VGLL4: variants seen among roughly 807,000 people sequenced by gnomAD.
The protein encoded by VGLL4 is vestigial like family member 4.
VGLL4 carries 7 observed loss-of-function variants against 21.0 expected under a neutral mutation model. The ratio of observed to expected loss-of-function variants is 0.33; its 90% CI spans 0.19 to 0.63. The LOEUF (loss-of-function observed/expected upper bound fraction) is 0.63. Among genes scored for constraint, VGLL4 ranks in the 20% least tolerant of loss-of-function variants. The probability of loss-of-function intolerance (pLI) is 0.78; values close to 1 mark genes in which losing one functional copy is unlikely to be tolerated. For missense variants in VGLL4, 394 were observed against 425.7 expected (o/e 0.93, Z 0.66); for synonymous variants, 222 against 173.2 (o/e 1.28, Z -2.21).
At chr3:11,696,632 T>C (rs1224915259) in intron 2 of VGLL4, among the ~76,000 whole-genome samples, 2 of 152,184 alleles carry the variant, frequency 1.3e-5, no homozygotes, top group African/African-American at 4.8e-5. Context: ...CTAAAATCAA[T>C]GTAAGGAGCC....
At chr3:11,599,665 T>C (rs140655143) in intron 2 of VGLL4, among the ~76,000 whole-genome samples, 1 of 143,050 alleles carries the variant, frequency 7.0e-6, no homozygotes, top group Non-Finnish European at 1.5e-5. Flanking sequence ...ATGACAGGCA[T>C]GCACCACCAC....
intron 2 of VGLL4, among the ~76,000 whole-genome samples, chr3:11,576,464 G>T (rs2074047958): frequency 6.6e-6 from 1 of 152,168 alleles, no homozygotes; most frequent in Non-Finnish European, 1.5e-5. Context: ...TATCACAGAA[G>T]GGATGAAAAA....
rs1269868950 is a variant in VGLL4, at chr3:11,653,343, C to T, written c.64+49628G>A. Among the ~76,000 whole-genome samples, 1 of 152,200 alleles carries T rather than the reference C, an allele frequency of 6.6e-6. No homozygotes were observed. The highest frequency in any genetic ancestry group is 1.5e-5 in the Non-Finnish European group (1 of 68,038). On this transcript the variant is annotated intron_variant, in intron 2 of 5. Transcript: ENST00000273038. This position sits in a 1 kb window ranked among gnomAD's most constrained non-coding sequence, Gnocchi z 4.2. The stretch of plus-strand genomic sequence containing the variant: ...AACTTACTATCCTAACCTTTAAGAA[C>T]GTAGATCAGTTGTATAACACTTTAT...
chr3:11,561,518 CG>C (rs897450141), intron 3 of VGLL4, among the ~76,000 whole-genome samples: 2 of 152,154 alleles, frequency 1.3e-5, no homozygotes, highest in Non-Finnish European at 2.9e-5. Context: ...CGTGAGCCCT[CG>C]TGGGACTGGC....
At chr3:11,697,288 T>TG (rs2076619163) in intron 2 of VGLL4, among the ~76,000 whole-genome samples, 1 of 150,422 alleles carries the variant, frequency 6.6e-6, no homozygotes, top group Non-Finnish European at 1.5e-5. Context: ...TTTTTTTTTT[T>TG]GGAGGATGAG....
chr3:11,573,396 AAAAT>A (rs1287848885), intron 2 of VGLL4, among the ~76,000 whole-genome samples: 1 of 150,820 alleles, frequency 6.6e-6, no homozygotes, highest in African/African-American at 2.4e-5. Context: ...AGAAAGAAAG[AAAAT>A]GGCCCCATAG....
At chr3:11,701,529 A>C (rs575852115) in intron 2 of VGLL4, among the ~76,000 whole-genome samples, 11 of 152,246 alleles carry the variant, frequency 7.2e-5, no homozygotes, top group Admixed American at 1.3e-4. Flanking sequence ...ACAATGTGCC[A>C]GGAGAGAGGG....
intron 1 of VGLL4, among the ~76,000 whole-genome samples, chr3:11,620,683 G>C (rs755677684): frequency 2.6e-4 from 39 of 152,086 alleles, no homozygotes; most frequent in Admixed American, 7.2e-4. Flanking sequence ...ATTCAGGCTG[G>C]ACAACAATAA....
chr3:11,697,628 G>A (rs760902400), intron 2 of VGLL4, among the ~76,000 whole-genome samples: 2 of 152,228 alleles, frequency 1.3e-5, no homozygotes, highest in Non-Finnish European at 1.5e-5. Context: ...AAGAGTATAT[G>A]AGTGCAACTA....
At chr3:11,702,170 C>A (rs1303045492) in intron 2 of VGLL4, among the ~76,000 whole-genome samples, 1 of 152,084 alleles carries the variant, frequency 6.6e-6, no homozygotes, top group African/African-American at 2.4e-5. Context: ...TAGCTCTCTG[C>A]TGGTCAATTA....
chr3:11,562,022 C>T (rs1253603097), intron 3 of VGLL4, among the ~76,000 whole-genome samples: 2 of 151,844 alleles, frequency 1.3e-5, no homozygotes, highest in East Asian at 3.9e-4. Context: ...GTCAGCCTCC[C>T]GAGTAGCTGG....
intron 1 of VGLL4, chr3:11,607,421 G>A (rs998901841): frequency 3.3e-5 from 5 of 152,134 alleles, no homozygotes; most frequent in African/African-American, 1.2e-4. Context: ...GCTGGGGGCT[G>A]GGAGAAGGGG....
At chr3:11,582,818 C>T (rs530741562) in intron 2 of VGLL4, among the ~76,000 whole-genome samples, 4 of 152,250 alleles carry the variant, frequency 2.6e-5, no homozygotes, top group East Asian at 3.9e-4. Flanking sequence ...CTGCTGCAGC[C>T]GCAACTACAG....
chr3:11,671,115 A>T, intron 2 of VGLL4: 3 of 827,798 alleles, frequency 3.6e-6, no homozygotes, highest in Non-Finnish European at 5.5e-6. Flanking sequence ...CACAGTCAGG[A>T]CTCAAGCACA....
intron 1 of VGLL4, among the ~76,000 whole-genome samples, chr3:11,704,396 A>G (rs59779945): frequency 1.3e-5 from 2 of 149,880 alleles, no homozygotes; most frequent in African/African-American, 4.9e-5. Context: ...AAAAAAAAAA[A>G]AAAAAAAAAG....
chr3:11,581,562 C>G (rs770226334), intron 2 of VGLL4, among the ~76,000 whole-genome samples: 2 of 152,182 alleles, frequency 1.3e-5, no homozygotes, highest in Non-Finnish European at 2.9e-5. Flanking sequence ...AGAGGCTGCT[C>G]TGTGGAATGA....
At chr3:11,680,677 CTCCAGA>C (rs2076355550) in intron 2 of VGLL4, among the ~76,000 whole-genome samples, 1 of 152,234 alleles carries the variant, frequency 6.6e-6, no homozygotes, top group Non-Finnish European at 1.5e-5. Flanking sequence ...GCACGACTCA[CTCCAGA>C]CAGTCCACTT....
chr3:11,646,577 T>A (rs1267700251), upstream of VGLL4, among the ~76,000 whole-genome samples: 1 of 152,012 alleles, frequency 6.6e-6, no homozygotes, highest in Admixed American at 6.6e-5. Context: ...AAACCCTGCC[T>A]TAAGATATTT....
rs2073895044 is a variant in VGLL4 at position 11,573,303 on chromosome 3, GAAAGGAAGGAAGGAAGAAAGAAAGA to G, written c.273-8309_273-8285del. Among the ~76,000 whole-genome samples, 6 of 23,312 alleles carry G rather than the reference GAAAGGAAGGAAGGAAGAAAGAAAGA, an allele frequency of 2.6e-4. 2 individuals carry two copies. Among genetic ancestry groups the G allele is most frequent in the South Asian group, 2.3e-3 (1 of 436 alleles). 15.3% of individuals were successfully genotyped at this position (23,312 alleles called of 152,430 possible). A position where few individuals can be genotyped will look rare whatever the true frequency, so the allele number is the denominator to read the frequency against. On this transcript the variant is annotated intron_variant, in intron 2 of 4. Transcript: ENST00000430365. ...AGAAAGAAAGAAAGAAAGAAAGAAA[GAAAGGAAGGAAGGAAGAAAGAAAGA>G]AAGAAAGAAAGAAAGAAAGAAAGAA...
Sources: gnomAD v4.1 joint callset for allele counts (sites outside exome capture counted in the v4.1 genomes callset) on GRCh38, gnomAD v4.1.1 for gene constraint, Gnocchi (gnomAD v3.1) non-coding constraint, MANE v1.5 for transcripts, NCBI Gene and HGNC (gene_info 2026-07-23, HGNC 2026-07-21) for gene names.